Variants in CPLANE1 observed in about 807,000 individuals in gnomAD.
CPLANE1 encodes the protein ciliogenesis and planar polarity effector complex subunit 1.
A neutral mutation model predicts 362.5 loss-of-function variants in CPLANE1; 263 were observed. That is an observed-to-expected ratio of 0.73 (90% confidence interval 0.66 to 0.80). CPLANE1 has a LOEUF of 0.80. CPLANE1 is among the 30% of genes least tolerant of loss of function. The pLI is 0.00. For synonymous variants in CPLANE1, 1,212 were observed against 1,302.6 expected, an observed-to-expected ratio of 0.93 and a Z score of 1.50; for missense variants, 3,461 against 3,793.4, an observed-to-expected ratio of 0.91 and a Z score of 2.30.
intron 4 of CPLANE1, 81 bp from the exon 5 acceptor site, chr5:37,244,688 C>CA: frequency 1.3e-6 from 1 of 778,472 alleles, no homozygotes. Context: ...TGTATTCTTA[C>CA]AATAAAAAAA....
intron 43 of CPLANE1, among the ~76,000 whole-genome samples, chr5:37,143,026 C>A (rs1770267772): frequency 6.6e-6 from 1 of 152,184 alleles, no homozygotes; most frequent in African/African-American, 2.4e-5. Flanking sequence ...TGGACAGCAG[C>A]TGAGAGAAAA....
intron 44 of CPLANE1, chr5:37,141,316 G>A (rs1341108411): frequency 4.1e-6 from 4 of 985,320 alleles, no homozygotes; most frequent in Non-Finnish European, 4.8e-6. Flanking sequence ...AGCCATATGA[G>A]TCCTGTTTAA....
At chr5:37,129,179 T>C (rs1387219995) in intron 46 of CPLANE1, among the ~76,000 whole-genome samples, 1 of 152,064 alleles carries the variant, frequency 6.6e-6, no homozygotes, top group Non-Finnish European at 1.5e-5. Context: ...CAACAAATGG[T>C]GCTGGGATAA....
At chr5:37,088,763 AAAG>A in the CPLANE1 span, among the ~76,000 whole-genome samples, 3 of 152,088 alleles carry the variant, frequency 2.0e-5, no homozygotes, top group African/African-American at 7.2e-5. Flanking sequence ...ATTAATGCTA[AAAG>A]AAGGAGAAGA....
intron 46 of CPLANE1, among the ~76,000 whole-genome samples, chr5:37,136,412 T>G (rs1220384743): frequency 6.6e-6 from 1 of 152,240 alleles, no homozygotes; most frequent in Non-Finnish European, 1.5e-5. Context: ...TCCCTGTGGC[T>G]TTGCAGGGTA....
At chr5:37,216,680 T>C (rs1030580985) in intron 15 of CPLANE1, among the ~76,000 whole-genome samples, 3 of 152,234 alleles carry the variant, frequency 2.0e-5, no homozygotes, top group African/African-American at 7.2e-5. Context: ...TCATTCCCAC[T>C]TGAGAATCTC....
At chr5:37,096,643 T>G in the CPLANE1 span, among the ~76,000 whole-genome samples, 1 of 152,144 alleles carries the variant, frequency 6.6e-6, no homozygotes, top group Non-Finnish European at 1.5e-5. Context: ...GAGAAAAATC[T>G]TCACAATCTA....
the CPLANE1 span, among the ~76,000 whole-genome samples, chr5:37,082,199 A>G: frequency 1.2e-4 from 18 of 152,356 alleles, no homozygotes; most frequent in East Asian, 3.5e-3. Flanking sequence ...ACAATGTAAC[A>G]GCATTTTTCA....
Position 37,198,762 on chromosome 5 carries a change from A to G in CPLANE1, c.3612T>C (p.Ser1204=). 6.2e-7 allele frequency: 1 copy of G among 1,614,152 alleles called. No homozygotes were observed. Among genetic ancestry groups the G allele is most frequent in the Non-Finnish European group, 8.5e-7 (1 of 1,180,038 alleles). The part of the protein sequence containing the change: ...VLLLFRAAQC[S]FPVAQWYILQ... ...ATATATACCACTGTGCTACAGGAAA[A>G]GAACACTGAGCCGCCCGGAAAAGCA... is the stretch of plus-strand genomic sequence containing the variant. Residue 1204 remains serine (S), a synonymous_variant, in exon 20 of 53, where the codon TCT becomes TCC. Coordinates refer to ENST00000651892, the MANE Select transcript of CPLANE1 (RefSeq NM_001384732.1).
chr5:37,140,837 AT>A (rs886387956), intron 44 of CPLANE1: 1 of 981,970 alleles, frequency 1.0e-6, no homozygotes, highest in Non-Finnish European at 1.2e-6. Flanking sequence ...TTAAAACATT[AT>A]GAGATTTATG....
Position 37,227,411 on chromosome 5 carries a change from A to G in CPLANE1, c.1372-19T>C. ...CTTTTGGCTAAAGAAGAAAAGATGA[A>G]AGATTTCCAAGAGCAAAATGTTATC... is the stretch of plus-strand genomic sequence containing the variant. On this transcript the variant is annotated intron_variant, in intron 10 of 52. Transcript: ENST00000651892. 6.6e-7 allele frequency: 1 copy of G among 1,515,982 alleles called. No individual in the cohort carries two copies. Among genetic ancestry groups the G allele is most frequent in the South Asian group, 1.3e-5 (1 of 77,696 alleles). The allele number at this position is 1,515,982 out of a possible 1,614,324, so 93.9% of individuals were successfully genotyped here. A position where few individuals can be genotyped will look rare whatever the true frequency, so the allele number is the denominator to read the frequency against.
intron 50 of CPLANE1, among the ~76,000 whole-genome samples, chr5:37,115,878 C>T (rs1760807137): frequency 6.6e-6 from 1 of 151,876 alleles, no homozygotes; most frequent in African/African-American, 2.4e-5. Context: ...CAGGCGTGAG[C>T]CACCATGCCC....
chr5:37,211,470 C>G, intron 16 of CPLANE1: 1 of 1,403,326 alleles, frequency 7.1e-7, no homozygotes, highest in South Asian at 1.4e-5. Context: ...TGAGCAGCCT[C>G]AAGTGGGCAC....
Position 37,208,014 on chromosome 5 carries a change from C to A in CPLANE1, c.2921-1589G>T, listed in dbSNP as rs186681650. On this transcript the variant is annotated intron_variant, in intron 16 of 52. Coordinates refer to ENST00000651892, the MANE Select transcript of CPLANE1 (RefSeq NM_001384732.1). The stretch of plus-strand genomic sequence containing the variant: ...TGTCATCCAAGCTGGAGTGTAATCA[C>A]GTGATCTCACTGCAACCTCTGTCAT... 3.4e-3 allele frequency among the ~76,000 whole-genome samples: 516 copies of A among 152,208 alleles called. 2 individuals are homozygous for A. The highest frequency in any genetic ancestry group is 0.012 in the African/African-American group (496 of 41,528).
intron 14 of CPLANE1, among the ~76,000 whole-genome samples, chr5:37,222,872 C>G (rs992151675): frequency 1.3e-5 from 2 of 152,194 alleles, no homozygotes; most frequent in African/African-American, 2.4e-5. Flanking sequence ...TTTCTTGCCT[C>G]CAAGTAAAAC....
chr5:37,195,130 G>A (rs1455187959), intron 21 of CPLANE1, among the ~76,000 whole-genome samples: 3 of 150,400 alleles, frequency 2.0e-5, no homozygotes, highest in African/African-American at 4.9e-5. Context: ...ACTCCAGCCT[G>A]GGAGACAGAG....
intron 44 of CPLANE1, chr5:37,141,371 C>T (rs1186050013): frequency 2.0e-6 from 2 of 985,250 alleles, no homozygotes; most frequent in East Asian, 1.1e-4. Flanking sequence ...GAAAAGCTAT[C>T]AGTGACCAAG....
intron 14 of CPLANE1, among the ~76,000 whole-genome samples, chr5:37,223,400 G>T (rs1795770710): frequency 6.6e-6 from 1 of 152,218 alleles, no homozygotes; most frequent in Non-Finnish European, 1.5e-5. Context: ...CAACTTGAAG[G>T]TAAAGTTGTT....
chr5:37,234,504 G>GAAAAAAAAAAA (rs559018471), intron 8 of CPLANE1, among the ~76,000 whole-genome samples: 1 of 119,336 alleles, frequency 8.4e-6, no homozygotes. Flanking sequence ...ACAAAAATAA[G>GAAAAAAAAAAA]AAAAAAAAAA....
Sources: gnomAD v4.1 joint callset for allele counts (sites outside exome capture counted in the v4.1 genomes callset) on GRCh38, gnomAD v4.1.1 for gene constraint, MANE v1.5 for transcripts, NCBI Gene and HGNC (gene_info 2026-07-23, HGNC 2026-07-21) for gene names.